NTRK3: variants seen among roughly 807,000 people sequenced by gnomAD.
NTRK3 encodes NT-3 growth factor receptor.
In NTRK3, 24 loss-of-function variants were observed where a neutral mutation model predicts 91.7. The ratio of observed to expected loss-of-function variants is 0.26; its 90% CI spans 0.19 to 0.37. The LOEUF (loss-of-function observed/expected upper bound fraction) is 0.37, where lower values mean the gene tolerates loss of function less well. NTRK3 is among the 10% of genes least tolerant of loss of function. The pLI, the probability that NTRK3 is intolerant of heterozygous loss-of-function variation, is 1.00. For synonymous variants in NTRK3, 483 were observed against 404.0 expected, an observed-to-expected ratio of 1.20 and a Z score of -2.34; for missense variants, 880 against 1,068.9, an observed-to-expected ratio of 0.82 and a Z score of 2.46.
At chr15:87,932,702 T>G (rs770048082) in intron 16 of NTRK3, among the ~76,000 whole-genome samples, 19 of 152,132 alleles carry the variant, frequency 1.2e-4, no homozygotes, top group Non-Finnish European at 2.5e-4. Context: ...AATCTTGGAG[T>G]TGTAAGCCAC....
At chr15:88,112,171 G>A (rs2051477246) in intron 13 of NTRK3, among the ~76,000 whole-genome samples, 1 of 152,182 alleles carries the variant, frequency 6.6e-6, no homozygotes, top group South Asian at 2.1e-4. Context: ...CTCCCAAAGT[G>A]CTAGGATTAC....
At position 87,885,793 on chromosome 15, in the gene NTRK3, T is replaced by C. The variant is rs751803100; in HGVS notation, c.2134-5365A>G. The stretch of plus-strand genomic sequence containing the variant: ...AGAAGAAAACTTAGAAAAGTATTCT[T>C]TATCCTCAGAAAAGGAAGGCCTTCC... On this transcript the variant is annotated intron_variant, in intron 17 of 18. Transcript: ENST00000394480. 26 of 776,416 alleles carry C rather than the reference T, an allele frequency of 3.3e-5. 1 individual carries two copies. The highest frequency in any genetic ancestry group is 2.5e-4 in the African/African-American group (14 of 55,034). The allele number at this position is 776,416 out of a possible 1,614,324, so 48.1% of individuals were successfully genotyped here. A position where few individuals can be genotyped will look rare whatever the true frequency, so the allele number is the denominator to read the frequency against.
At chr15:88,102,840 G>A (rs565872469) in intron 13 of NTRK3, among the ~76,000 whole-genome samples, 9 of 152,174 alleles carry the variant, frequency 5.9e-5, no homozygotes, top group Admixed American at 2.6e-4. Context: ...ACCCTTCAAG[G>A]CCTGTCTCTA....
At chr15:88,028,973 AG>A (rs1185106735) in intron 14 of NTRK3, among the ~76,000 whole-genome samples, 1 of 152,196 alleles carries the variant, frequency 6.6e-6, no homozygotes, top group African/African-American at 2.4e-5. Flanking sequence ...AAGGTAACTG[AG>A]GGTCCAATGT....
intron 14 of NTRK3, among the ~76,000 whole-genome samples, chr15:87,987,931 A>G (rs1224970904): frequency 6.6e-6 from 1 of 152,010 alleles, no homozygotes; most frequent in Non-Finnish European, 1.5e-5. Context: ...CGTTTAATAA[A>G]TCTCCCTTAC....
At chr15:87,963,831 T>A (rs1027954135) in intron 14 of NTRK3, among the ~76,000 whole-genome samples, 1 of 152,192 alleles carries the variant, frequency 6.6e-6, no homozygotes, top group African/African-American at 2.4e-5. Context: ...ACAAAACAGA[T>A]ATACCAAATA....
exon 19 of NTRK3, chr15:87,861,543 A>T: frequency 5.1e-6 from 1 of 196,510 alleles, no homozygotes; most frequent in East Asian, 8.0e-5. Context: ...CATGCAAAAA[A>T]TTACTTCCAG....
At chr15:87,890,882 A>C (rs2065823335) in intron 17 of NTRK3, among the ~76,000 whole-genome samples, 1 of 152,146 alleles carries the variant, frequency 6.6e-6, no homozygotes, top group Non-Finnish European at 1.5e-5. Flanking sequence ...TGGAGTGCTC[A>C]TCTCTACTGG....
At chr15:88,192,127 C>G (rs982291115) in intron 3 of NTRK3, among the ~76,000 whole-genome samples, 1 of 152,244 alleles carries the variant, frequency 6.6e-6, no homozygotes, top group Non-Finnish European at 1.5e-5. Context: ...GCTTCCTGAT[C>G]AATTCCAAAG....
intron 13 of NTRK3, among the ~76,000 whole-genome samples, chr15:88,055,675 A>G (rs1345369023): frequency 6.6e-6 from 1 of 152,110 alleles, no homozygotes; most frequent in Non-Finnish European, 1.5e-5. Context: ...TGAATTGCCC[A>G]AGTTCACTCA....
intron 13 of NTRK3, among the ~76,000 whole-genome samples, chr15:88,087,358 G>A (rs967109461): frequency 9.2e-5 from 14 of 152,134 alleles, no homozygotes; most frequent in African/African-American, 3.1e-4. Context: ...CAGGTCTCTC[G>A]GGAGGGGCTG....
intron 6 of NTRK3, among the ~76,000 whole-genome samples, chr15:88,142,579 A>G (rs1262052200): frequency 6.6e-6 from 1 of 152,188 alleles, no homozygotes; most frequent in Non-Finnish European, 1.5e-5. Context: ...GGCAGTGGAA[A>G]ATGAGGAGGG....
intron 3 of NTRK3, among the ~76,000 whole-genome samples, chr15:88,227,683 T>C (rs537742059): frequency 1.3e-5 from 2 of 152,212 alleles, no homozygotes; most frequent in Non-Finnish European, 2.9e-5. Context: ...CTGTGGGACT[T>C]CGTTATGGCA....
intron 17 of NTRK3, among the ~76,000 whole-genome samples, chr15:87,898,733 C>T (rs1288817739): frequency 6.6e-6 from 1 of 151,156 alleles, no homozygotes; most frequent in Admixed American, 6.6e-5. Flanking sequence ...CGCCTGTAAT[C>T]CCAGCACTTC....
chr15:88,059,428 A>G (rs570248185), intron 13 of NTRK3, among the ~76,000 whole-genome samples: 1 of 152,272 alleles, frequency 6.6e-6, no homozygotes, highest in South Asian at 2.1e-4. Context: ...TCTATCACCT[A>G]TAAACCCCTA....
intron 17 of NTRK3, among the ~76,000 whole-genome samples, chr15:87,885,171 A>G (rs773972329): frequency 5.9e-4 from 90 of 152,100 alleles, no homozygotes; most frequent in Middle Eastern, 3.4e-3. Context: ...CAATAACAAC[A>G]GAAGTGTTTA....
chr15:88,107,957 G>A (rs1392529377), intron 13 of NTRK3, among the ~76,000 whole-genome samples: 1 of 151,986 alleles, frequency 6.6e-6, no homozygotes, highest in Admixed American at 6.6e-5. Flanking sequence ...TGGAGAGCAA[G>A]CGACATCCTA....
intron 14 of NTRK3, among the ~76,000 whole-genome samples, chr15:87,952,164 GAAGA>G (rs1319726490): frequency 1.5e-5 from 2 of 130,814 alleles, no homozygotes; most frequent in Non-Finnish European, 3.3e-5. Context: ...GAGAAAGAAA[GAAGA>G]AAGAAAAGAA....
chr15:88,088,882 C>T (rs1163626577), intron 13 of NTRK3, among the ~76,000 whole-genome samples: 3 of 152,124 alleles, frequency 2.0e-5, no homozygotes, highest in Non-Finnish European at 4.4e-5. Context: ...GCTGCTTAAC[C>T]TCTCTGACCT....
Sources: allele counts gnomAD v4.1 joint callset (sites outside exome capture counted in the v4.1 genomes callset), GRCh38; gene constraint gnomAD v4.1.1; transcripts MANE v1.5; gene names NCBI Gene and HGNC (gene_info 2026-07-23, HGNC 2026-07-21).